CXCL17: variants seen among roughly 807,000 people sequenced by gnomAD.
CXCL17 encodes C-X-C motif chemokine 17.
In CXCL17, 9 loss-of-function variants were observed where a neutral mutation model predicts 15.5. The ratio of observed to expected loss-of-function variants is 0.58; its 90% CI spans 0.35 to 1.01. CXCL17 has a LOEUF of 1.01. Among genes scored for constraint, CXCL17 ranks in the 50% least tolerant of loss-of-function variants. The probability of loss-of-function intolerance (pLI) is 0.02; values close to 1 mark genes in which losing one functional copy is unlikely to be tolerated. For synonymous variants in CXCL17, 52 were observed against 52.3 expected, an observed-to-expected ratio of 0.99 and a Z score of 0.02; for missense variants, 133 against 138.2, an observed-to-expected ratio of 0.96 and a Z score of 0.19.
At chr19:42,431,032 G>A (rs2040775279) in intron 3 of CXCL17, among the ~76,000 whole-genome samples, 1 of 152,162 alleles carries the variant, frequency 6.6e-6, no homozygotes, top group South Asian at 2.1e-4. Flanking sequence ...TAGAGACGGG[G>A]TTTCACCATG....
intron 3 of CXCL17, among the ~76,000 whole-genome samples, chr19:42,432,265 C>T (rs2040790737): frequency 6.6e-6 from 1 of 151,328 alleles, no homozygotes; most frequent in African/African-American, 2.4e-5. Flanking sequence ...GTGCCTCAAC[C>T]TCCCGAGTAG....
At chr19:42,436,345 C>T (rs1450870061) in intron 1 of CXCL17, among the ~76,000 whole-genome samples, 1 of 152,188 alleles carries the variant, frequency 6.6e-6, no homozygotes, top group Non-Finnish European at 1.5e-5. Context: ...TTTAAGCAGG[C>T]ATAGGTCCTG....
At chr19:42,433,520 C>T (rs1259482257) in intron 2 of CXCL17, among the ~76,000 whole-genome samples, 2 of 152,216 alleles carry the variant, frequency 1.3e-5, no homozygotes, top group Non-Finnish European at 2.9e-5. Context: ...GACGGTAGCT[C>T]TGGGTTCTTC....
chr19:42,433,888 C>T (rs373649383), intron 1 of CXCL17, 32 bp from the exon 2 acceptor site: 1 of 1,534,296 alleles, frequency 6.5e-7, no homozygotes, highest in Non-Finnish European at 9.0e-7. Flanking sequence ...CATCCAGACA[C>T]TGGAAAGGGC....
At chr19:42,440,560 A>C (rs2040881813) in intron 1 of CXCL17, among the ~76,000 whole-genome samples, 1 of 152,232 alleles carries the variant, frequency 6.6e-6, no homozygotes, top group Non-Finnish European at 1.5e-5. Flanking sequence ...CTCGTGCTTT[A>C]GGAGCGACTT....
At chr19:42,437,834 A>G (rs1441206379) in intron 1 of CXCL17, among the ~76,000 whole-genome samples, 2 of 152,150 alleles carry the variant, frequency 1.3e-5, no homozygotes, top group Admixed American at 1.3e-4. Flanking sequence ...GTGATTTTGG[A>G]CAAAGTTGTG....
rs2040806773 is a variant in CXCL17 at position 42,433,763 on chromosome 19, C to T, written c.160+13G>A. ...GGTGATGCCATCGCTGTTGTTGTTGCTGAATTACTGACCTTTGCACTCACA... is the reference window on the plus strand; with the variant it reads ...GGTGATGCCATCGCTGTTGTTGTTGTTGAATTACTGACCTTTGCACTCACA... On this transcript the variant is annotated intron_variant, in intron 2 of 3. Coordinates refer to ENST00000601181, the MANE Select transcript of CXCL17 (RefSeq NM_198477.3). The T allele has an allele frequency of 6.2e-7, 1 of 1,611,598 alleles. No individual in the cohort carries two copies. The highest frequency in any genetic ancestry group is 8.5e-7 in the Non-Finnish European group (1 of 1,177,930).
intron 3 of CXCL17, among the ~76,000 whole-genome samples, chr19:42,430,277 A>C (rs1441139652): frequency 1.3e-5 from 2 of 152,156 alleles, no homozygotes; most frequent in African/African-American, 4.8e-5. Context: ...GCAGATATTC[A>C]TGAAACTACT....
intron 3 of CXCL17, among the ~76,000 whole-genome samples, chr19:42,430,763 T>C (rs2040771589): frequency 6.6e-6 from 1 of 152,182 alleles, no homozygotes; most frequent in Non-Finnish European, 1.5e-5. Context: ...GATTCCTAAA[T>C]AATTTAGTTT....
At chr19:42,429,724 C>T (rs1292846865) in intron 3 of CXCL17, among the ~76,000 whole-genome samples, 1 of 152,146 alleles carries the variant, frequency 6.6e-6, no homozygotes. Flanking sequence ...AAGGACTCCT[C>T]CCACCCCAGC....
intron 1 of CXCL17, among the ~76,000 whole-genome samples, chr19:42,436,563 A>G (rs1252743236): frequency 6.6e-6 from 1 of 152,004 alleles, no homozygotes; most frequent in Admixed American, 6.6e-5. Context: ...TATTATTCTT[A>G]CCAACTGTTG....
rs78201375 is a variant in CXCL17 at position 42,438,438 on chromosome 19, T to C, written c.79+4316A>G. Among the ~76,000 whole-genome samples, 45 of 126,478 alleles carry C rather than the reference T, an allele frequency of 3.6e-4. 1 individual carries two copies. The highest frequency in any genetic ancestry group is 2.2e-3 in the South Asian group (8 of 3,676). 83.0% of individuals were successfully genotyped at this position (126,478 alleles called of 152,430 possible). ...ACACACACACACACACACACACACA[T>C]ATATACTGTAATGAAAATGACGTGA... On this transcript the variant is annotated intron_variant, in intron 1 of 3. Coordinates refer to ENST00000601181, the MANE Select transcript of CXCL17 (RefSeq NM_198477.3).
intron 1 of CXCL17, among the ~76,000 whole-genome samples, chr19:42,434,667 C>A (rs1282665096): frequency 6.6e-6 from 1 of 151,498 alleles, no homozygotes; most frequent in Non-Finnish European, 1.5e-5. Flanking sequence ...TGGGCGTAAG[C>A]GATCCGCCTG....
At chr19:42,437,384 C>T (rs2147700140) in intron 1 of CXCL17, among the ~76,000 whole-genome samples, 1 of 152,272 alleles carries the variant, frequency 6.6e-6, no homozygotes, top group South Asian at 2.1e-4. Context: ...TAAAAAGAAG[C>T]TTATTTACTT....
intron 1 of CXCL17, among the ~76,000 whole-genome samples, chr19:42,435,827 C>CT (rs1192276496): frequency 6.3e-5 from 1 of 15,854 alleles, no homozygotes; most frequent in Non-Finnish European, 1.1e-4. Context: ...AAGACTTTGT[C>CT]TAAAAAAAAA....
chr19:42,435,598 C>T (rs1384244777), intron 1 of CXCL17, among the ~76,000 whole-genome samples: 1 of 151,924 alleles, frequency 6.6e-6, no homozygotes, highest in South Asian at 2.1e-4. Flanking sequence ...TTTGGGAGGC[C>T]GAGGTGGGTG....
intron 1 of CXCL17, among the ~76,000 whole-genome samples, chr19:42,442,229 C>CTTTTTTT (rs10527944): frequency 2.5e-5 from 3 of 122,106 alleles, no homozygotes; most frequent in Non-Finnish European, 3.4e-5. Flanking sequence ...CTTTTCTTTC[C>CTTTTTTT]TTTTTTTTTT....
intron 2 of CXCL17, 110 bp downstream of exon 2, chr19:42,433,666 G>A: frequency 2.3e-6 from 2 of 876,586 alleles, no homozygotes; most frequent in Non-Finnish European, 3.8e-6. Flanking sequence ...GTGGAGAGGG[G>A]AATGGGTGAG....
At chr19:42,439,275 GAAAA>G (rs2040868832) in intron 1 of CXCL17, among the ~76,000 whole-genome samples, 4 of 109,702 alleles carry the variant, frequency 3.6e-5, no homozygotes, top group Admixed American at 9.1e-5. Flanking sequence ...AAAAAAAAAA[GAAAA>G]AGAAAAAGGA....
Sources: allele counts gnomAD v4.1 joint callset (sites outside exome capture counted in the v4.1 genomes callset), GRCh38; gene constraint gnomAD v4.1.1; transcripts MANE v1.5; gene names NCBI Gene and HGNC (gene_info 2026-07-23, HGNC 2026-07-21).